Variants in UBR2 observed in about 807,000 individuals in gnomAD.
UBR2 encodes E3 ubiquitin-protein ligase UBR2.
UBR2 carries 92 observed loss-of-function variants against 247.9 expected under a neutral mutation model. The observed-to-expected ratio is 0.37, with a 90% CI of 0.31 to 0.44. The LOEUF is 0.44. Among genes scored for constraint, UBR2 ranks in the 20% least tolerant of loss-of-function variants. UBR2 has a pLI of 1.00. For missense variants in UBR2, 1,613 were observed against 2,112.6 expected (o/e 0.76, Z 4.64); for synonymous variants, 672 against 693.5 (o/e 0.97, Z 0.49).
chr6:42,644,253 A>G lies in UBR2; in HGVS notation c.2137A>G (p.Ile713Val), dbSNP rs1250445712. Reference protein sequence around the residue: ...SMMDPNHFLMIMLSRFELYQI... With the variant: ...SMMDPNHFLMVMLSRFELYQI... ...GATGGATCCAAATCATTTCCTGATGATCATGCTCAGCCGCTTTGAACTTTA... is the reference window on the plus strand; with the variant it reads ...GATGGATCCAAATCATTTCCTGATGGTCATGCTCAGCCGCTTTGAACTTTA... Residue 713 changes from isoleucine (I) to valine (V), a missense_variant, in exon 19 of 47, where the codon ATC (isoleucine) becomes GTC (valine). Coordinates refer to ENST00000372901, the MANE Select transcript of UBR2 (RefSeq NM_001363705.2). 1.2e-6 allele frequency: 2 copies of G among 1,612,824 alleles called. No homozygotes were observed. Among genetic ancestry groups the G allele is most frequent in the East Asian group, 4.5e-5 (2 of 44,852 alleles).
chr6:42,579,377 C>A (rs1791731357), intron 2 of UBR2, among the ~76,000 whole-genome samples: 1 of 152,162 alleles, frequency 6.6e-6, no homozygotes, highest in Non-Finnish European at 1.5e-5. Flanking sequence ...ATTCAGTCAC[C>A]TCCCACCAGG....
Position 42,617,331 on chromosome 6 carries a change from C to A in UBR2, c.1183-78C>A, listed in dbSNP as rs200506490. On this transcript the variant is annotated intron_variant, in intron 10 of 46. Transcript: ENST00000372901. ...CTATCTGTCCAGTTCTTCACCGCAC[C>A]TACTCTGGTGAGTAGTGCTTGCCTT... The A allele has an allele frequency of 2.5e-6, 4 of 1,614,048 alleles. No homozygotes were observed. In the South Asian group the frequency reaches 4.4e-5, roughly 18 times the overall value.
At chr6:42,690,844 T>G (rs1289427965) in intron 46 of UBR2, among the ~76,000 whole-genome samples, 188 bp from the exon 47 acceptor site, 1 of 152,178 alleles carries the variant, frequency 6.6e-6, no homozygotes, top group African/African-American at 2.4e-5. Flanking sequence ...ACTTATTCCC[T>G]TTTACCTGCT....
chr6:42,604,107 A>G (rs1050296604), intron 5 of UBR2, among the ~76,000 whole-genome samples: 1 of 152,266 alleles, frequency 6.6e-6, no homozygotes, highest in Non-Finnish European at 1.5e-5. Context: ...GTTTGAATAC[A>G]TGCTCAAATT....
At chr6:42,619,421 A>ATATATATATATAT (rs1794764054) in intron 11 of UBR2, 1 of 10,904 alleles carries the variant, frequency 9.2e-5, no homozygotes, top group Admixed American at 1.1e-3. Context: ...ACATATATAT[A>ATATATATATATAT]TATATATATA....
intron 4 of UBR2, among the ~76,000 whole-genome samples, chr6:42,602,609 G>T (rs950634581): frequency 9.4e-5 from 14 of 148,834 alleles, no homozygotes; most frequent in Non-Finnish European, 1.3e-4. Context: ...ATGTGTTTTT[G>T]TGTGTGTGTG....
chr6:42,641,590 T>C lies in UBR2; in HGVS notation c.1929T>C (p.Leu643=). Residue 643 remains leucine (L), a synonymous_variant, in exon 17 of 47, where the codon CTT becomes CTC. Transcript: ENST00000372901. The part of the protein sequence containing the change: ...KFPELLPLSE[L]SPPMLIEHPL... Reference sequence around the variant, plus strand: ...ATTTTTTGTATATATAGAGTGAACTTAGCCCACCCATGTTGATAGAACACC... The same window carrying C: ...ATTTTTTGTATATATAGAGTGAACTCAGCCCACCCATGTTGATAGAACACC... 6.3e-7 allele frequency: 1 copy of C among 1,593,894 alleles called. No homozygotes were observed. The highest frequency in any genetic ancestry group is 1.2e-5 in the South Asian group (1 of 86,456).
At chr6:42,677,228 T>C (rs145083997) in intron 40 of UBR2, among the ~76,000 whole-genome samples, 1 of 152,320 alleles carries the variant, frequency 6.6e-6, no homozygotes, top group African/African-American at 2.4e-5. Flanking sequence ...GCAAGTTAAA[T>C]TGGCATAATT....
chr6:42,674,020 A>G, intron 37 of UBR2, 106 bp from the exon 38 acceptor site: 1 of 1,341,348 alleles, frequency 7.5e-7, no homozygotes. Context: ...GCTCTAGCTT[A>G]TAAATTCTCA....
chr6:42,691,095 A>G lies in UBR2; in HGVS notation c.5190A>G (p.Gln1730=). The change falls in exon 47 of 47, where the codon CAA becomes CAG. Residue 1730 remains glutamine, a synonymous_variant. Transcript: ENST00000372901. The part of the protein sequence containing the change: ...RFKKIQKLWH[Q]HSVTEEIGHA... ...AGAAGATTCAGAAGCTCTGGCACCA[A>G]CACAGTGTCACAGAGGAAATTGGAC... 6.2e-7 allele frequency: 1 copy of G among 1,614,228 alleles called. No homozygotes were observed. Among genetic ancestry groups the G allele is most frequent in the Admixed American group, 1.7e-5 (1 of 60,022 alleles).
chr6:42,676,222 A>G (rs1798712970), intron 39 of UBR2, 31 bp downstream of exon 39: 2 of 1,534,760 alleles, frequency 1.3e-6, no homozygotes, highest in African/African-American at 1.4e-5. Context: ...AGTTTCTTGA[A>G]GGAAATACTT....
chr6:42,588,313 C>A (rs1792427082), intron 2 of UBR2, among the ~76,000 whole-genome samples: 1 of 152,206 alleles, frequency 6.6e-6, no homozygotes, highest in African/African-American at 2.4e-5. Context: ...GGCATGCCAC[C>A]CTCCTAACAC....
chr6:42,584,788 TC>T (rs1792145860), intron 2 of UBR2, among the ~76,000 whole-genome samples: 1 of 152,196 alleles, frequency 6.6e-6, no homozygotes, highest in African/African-American at 2.4e-5. Context: ...AATTTTAGTG[TC>T]CGTTTATTTT....
intron 11 of UBR2, among the ~76,000 whole-genome samples, chr6:42,630,715 C>G (rs2151949673): frequency 6.6e-6 from 1 of 152,292 alleles, no homozygotes; most frequent in East Asian, 1.9e-4. Flanking sequence ...TTCTACTTAT[C>G]TGCTGACTTT....
Position 42,632,792 on chromosome 6 carries a change from T to G in UBR2, c.1446-13T>G. 6.3e-7 allele frequency: 1 copy of G among 1,595,504 alleles called. No individual in the cohort carries two copies. Among genetic ancestry groups the G allele is most frequent in the Non-Finnish European group, 8.5e-7 (1 of 1,174,328 alleles). Reference sequence around the variant, plus strand: ...TTTATGTTAATTGCCACTGTCACTTTTATCTTGTTCAGGTATGTGTTAATT... The same window carrying G: ...TTTATGTTAATTGCCACTGTCACTTGTATCTTGTTCAGGTATGTGTTAATT... On this transcript the variant is annotated splice_polypyrimidine_tract_variant and intron_variant, in intron 12 of 46. Transcript: ENST00000372901.
In UBR2 at chr6:42,632,654, C is replaced by T. The variant is rs141153760; in HGVS notation, c.1384C>T (p.Arg462Ter). The T allele has an allele frequency of 2.5e-6, 4 of 1,612,982 alleles. No homozygotes were observed. The highest frequency in any genetic ancestry group is 1.3e-5 in the African/African-American group (1 of 74,840). The change falls in exon 12 of 47, where the codon CGA becomes TGA. Residue 462 changes from arginine (R) to a stop codon, truncating the protein, a stop_gained. Transcript: ENST00000372901. LOFTEE classifies it high-confidence loss of function. ...RDAQGRFQFE[R>*]YTALQAFKFR... ...TGCCCAGGGCAGATTTCAGTTTGAA[C>T]GATACACTGCTTTACAAGCCTTCAA...
chr6:42,647,988 C>T, intron 21 of UBR2, 130 bp from the exon 22 acceptor site: 2 of 578,542 alleles, frequency 3.5e-6, no homozygotes, highest in East Asian at 2.9e-5. Flanking sequence ...CTATGGAATC[C>T]TCATCTGTAA....
chr6:42,624,761 T>C (rs1236961477), intron 11 of UBR2, among the ~76,000 whole-genome samples: 1 of 152,126 alleles, frequency 6.6e-6, no homozygotes, highest in Non-Finnish European at 1.5e-5. Context: ...GGATCACAAG[T>C]AATGCAAAGT....
intron 11 of UBR2, among the ~76,000 whole-genome samples, chr6:42,628,246 A>G (rs1305289398): frequency 6.6e-6 from 1 of 151,968 alleles, no homozygotes; most frequent in Non-Finnish European, 1.5e-5. Flanking sequence ...CTACTTCATC[A>G]TGACTGAAAG....
Sources: gnomAD v4.1 joint callset for allele counts (sites outside exome capture counted in the v4.1 genomes callset) on GRCh38, gnomAD v4.1.1 for gene constraint, MANE v1.5 for transcripts, NCBI Gene and HGNC (gene_info 2026-07-23, HGNC 2026-07-21) for gene names.